RERE: variants seen among roughly 807,000 people sequenced by gnomAD.
RERE encodes arginine-glutamic acid dipeptide repeats protein.
Under a neutral mutation model 146.1 loss-of-function variants are expected in RERE, and 40 were observed. The observed-to-expected ratio is 0.27, with a 90% CI of 0.21 to 0.36. RERE has a LOEUF of 0.36. Among genes scored for constraint, RERE ranks in the 10% least tolerant of loss-of-function variants. The pLI is 1.00. For synonymous variants in RERE, 1,003 were observed against 866.0 expected, an observed-to-expected ratio of 1.16 and a Z score of -2.78; for missense variants, 1,933 against 2,138.7, an observed-to-expected ratio of 0.90 and a Z score of 1.90.
chr1:8,507,170 G>T (rs1412956575), intron 8 of RERE, among the ~76,000 whole-genome samples: 3 of 152,208 alleles, frequency 2.0e-5, no homozygotes, highest in African/African-American at 7.2e-5. Context: ...CTACTCAGAG[G>T]CTGAGGCAGG....
In RERE at chr1:8,358,656, G is replaced by A. The variant is rs377241415; in HGVS notation, c.3879C>T (p.Tyr1293=). 31 of 1,585,794 alleles carry A rather than the reference G, an allele frequency of 2.0e-5. No homozygotes were observed. The highest frequency in any genetic ancestry group is 2.5e-5 in the Non-Finnish European group (29 of 1,165,378). The change falls in exon 20 of 23, where the codon TAC becomes TAT. Residue 1293 remains tyrosine, a synonymous_variant. Coordinates refer to ENST00000400908, the MANE Select transcript of RERE (RefSeq NM_001042681.2). The stretch of plus-strand genomic sequence containing the variant: ...GCTCGCGGATGGTGGGGTCGACGTT[G>A]TAGAGGCCAGGCATGTGGTAGGCCA... ...PLLAYHMPGL[Y]NVDPTIRERE... is the part of the protein sequence containing the mutation.
chr1:8,512,842 C>G (rs768011003), intron 7 of RERE: 3 of 152,348 alleles, frequency 2.0e-5, no homozygotes, highest in Non-Finnish European at 2.9e-5. Flanking sequence ...GAACCTGAAC[C>G]AGATCCTCGA....
intron 11 of RERE, among the ~76,000 whole-genome samples, chr1:8,440,247 T>C (rs1004911459): frequency 2.0e-5 from 3 of 152,202 alleles, no homozygotes; most frequent in Admixed American, 1.3e-4. Flanking sequence ...CACAGTTCTT[T>C]ATCTCTTCTG....
intron 18 of RERE, 51 bp downstream of exon 18, chr1:8,360,045 TCCCACCAGAACTTGCC>T: frequency 1.3e-6 from 1 of 790,078 alleles, no homozygotes; most frequent in Non-Finnish European, 2.0e-6. Flanking sequence ...CGGCCCTCCC[TCCCACCAGAACTTGCC>T]CCCACCAGCC....
At chr1:8,574,425 A>G (rs1217099580) in intron 4 of RERE, among the ~76,000 whole-genome samples, 2 of 145,964 alleles carry the variant, frequency 1.4e-5, no homozygotes, top group Non-Finnish European at 3.0e-5. Context: ...GCTCACTGCA[A>G]GCTCCGCCTC....
At chr1:8,450,143 T>C (rs1227295427) in intron 11 of RERE, among the ~76,000 whole-genome samples, 1 of 152,176 alleles carries the variant, frequency 6.6e-6, no homozygotes, top group Non-Finnish European at 1.5e-5. Flanking sequence ...TCAGTACTCA[T>C]TGTTGAGTGA....
At chr1:8,695,587 T>TAA (rs34953565) in intron 1 of RERE, among the ~76,000 whole-genome samples, 1,052 of 36,740 alleles carry the variant, frequency 0.029, 153 homozygotes, top group African/African-American at 0.088. Flanking sequence ...CCATTTCTAC[T>TAA]AAAAAAAAAA....
intron 1 of RERE, among the ~76,000 whole-genome samples, chr1:8,730,882 G>A (rs1416538500): frequency 6.6e-6 from 1 of 152,192 alleles, no homozygotes; most frequent in Non-Finnish European, 1.5e-5. Context: ...ATTTGTTAAA[G>A]CAAGGGGTGT....
intron 4 of RERE, among the ~76,000 whole-genome samples, chr1:8,582,375 C>CA (rs1553188574): frequency 3.7e-5 from 5 of 136,540 alleles, no homozygotes; most frequent in African/African-American, 1.3e-4. Context: ...ACTGTGCCTG[C>CA]TTTTTTTTTT....
intron 4 of RERE, among the ~76,000 whole-genome samples, chr1:8,611,875 G>C (rs1570511725): frequency 6.6e-6 from 1 of 152,210 alleles, no homozygotes; most frequent in East Asian, 1.9e-4. Context: ...ACCAGTTTAG[G>C]GAGGTTCTGG....
intron 4 of RERE, among the ~76,000 whole-genome samples, chr1:8,613,250 A>G (rs1263333997): frequency 1.3e-5 from 2 of 152,310 alleles, no homozygotes; most frequent in African/African-American, 4.8e-5. Context: ...CCTATTACAC[A>G]AAATCTTAAC....
At chr1:8,447,860 ACT>A (rs1316709443) in intron 11 of RERE, among the ~76,000 whole-genome samples, 2 of 151,842 alleles carry the variant, frequency 1.3e-5, no homozygotes, top group South Asian at 2.1e-4. Context: ...TACATCCTGC[ACT>A]CTCTGTGTCT....
In RERE at chr1:8,749,813, C is replaced by G. The variant is rs182186582; in HGVS notation, c.-145+67347G>C. Among the ~76,000 whole-genome samples the G allele has an allele frequency of 2.6e-3, 403 of 152,154 alleles. 3 individuals carry two copies. Among genetic ancestry groups the G allele is most frequent in the African/African-American group, 9.2e-3 (383 of 41,506 alleles). On this transcript the variant is annotated intron_variant, in intron 1 of 22. Transcript: ENST00000400908. The stretch of plus-strand genomic sequence containing the variant: ...GTTTTAAGGAAGAGAACGAGGTGAT[C>G]TATGTTTCTGAAAAAGCAATTCCAC...
At chr1:8,478,934 G>A (rs1644795907) in intron 10 of RERE, among the ~76,000 whole-genome samples, 1 of 152,148 alleles carries the variant, frequency 6.6e-6, no homozygotes, top group African/African-American at 2.4e-5. Context: ...AGTTATACAT[G>A]ACAATTTTGT....
chr1:8,626,952 A>G (rs1005914835), intron 2 of RERE, among the ~76,000 whole-genome samples: 1 of 152,172 alleles, frequency 6.6e-6, no homozygotes, highest in Admixed American at 6.5e-5. Context: ...TTAAGGCTCA[A>G]GTGACAAACT....
chr1:8,543,522 T>C (rs961325197), intron 6 of RERE, among the ~76,000 whole-genome samples: 4 of 152,214 alleles, frequency 2.6e-5, no homozygotes, highest in African/African-American at 9.7e-5. Flanking sequence ...ACTGGAGTAA[T>C]TAATGTATCA....
At chr1:8,393,763 T>G (rs1201891676) in intron 12 of RERE, among the ~76,000 whole-genome samples, 1 of 152,166 alleles carries the variant, frequency 6.6e-6, no homozygotes, top group Non-Finnish European at 1.5e-5. Flanking sequence ...TGAATGAAAG[T>G]TTAATGGCAT....
At chr1:8,692,792 G>A (rs983459567) in intron 1 of RERE, among the ~76,000 whole-genome samples, 1 of 152,004 alleles carries the variant, frequency 6.6e-6, no homozygotes, top group Non-Finnish European at 1.5e-5. Flanking sequence ...GAATACAAAG[G>A]GCTTAGTGTA....
chr1:8,356,842 C>T lies in RERE; in HGVS notation c.4340-596G>A, dbSNP rs1641314827. Reference sequence around the variant, plus strand: ...TCACCTCCTATCTCCCAGCTCCAGCCAACACAGGCGCTGGCAGGGATTTCA... The same window carrying T: ...TCACCTCCTATCTCCCAGCTCCAGCTAACACAGGCGCTGGCAGGGATTTCA... On this transcript the variant is annotated intron_variant, in intron 20 of 22. Transcript: ENST00000400908. This position sits in a 1 kb window ranked among gnomAD's most constrained non-coding sequence, Gnocchi z 5.2. Among the ~76,000 whole-genome samples the T allele has an allele frequency of 6.6e-6, 1 of 152,154 alleles. No individual in the cohort carries two copies.
Sources: allele counts gnomAD v4.1 joint callset (sites outside exome capture counted in the v4.1 genomes callset), GRCh38; gene constraint gnomAD v4.1.1; non-coding constraint Gnocchi (gnomAD v3.1); transcripts MANE v1.5; gene names NCBI Gene and HGNC (gene_info 2026-07-23, HGNC 2026-07-21).